PLXNA1: variants seen among roughly 807,000 people sequenced by gnomAD.
PLXNA1 encodes the protein plexin A1.
PLXNA1 carries 77 observed loss-of-function variants against 191.7 expected under a neutral mutation model. That is an observed-to-expected ratio of 0.40 (90% CI 0.33 to 0.49). The LOEUF is 0.49. PLXNA1 is among the 20% of genes least tolerant of loss of function. The probability of loss-of-function intolerance (pLI) is 0.63; values close to 1 mark genes in which losing one functional copy is unlikely to be tolerated. For synonymous variants in PLXNA1, 1,137 were observed against 1,156.4 expected (o/e 0.98, Z 0.34); for missense variants, 2,110 against 2,660.2 (o/e 0.79, Z 4.55).
Position 127,030,007 on chromosome 3 carries a change from T to G in PLXNA1, c.5004T>G (p.Gly1668=). ...ACGACCACCTGGACCAGCGTGAGGG[T>G]GACCGCGGCAGCAAGATGGTCTCGG... ...KNHDHLDQRE[G]DRGSKMVSEI... is the part of the protein sequence containing the mutation. Residue 1668 remains glycine (G), a synonymous_variant, in exon 28 of 32, where the codon GGT becomes GGG. Coordinates refer to ENST00000393409, the MANE Select transcript of PLXNA1 (RefSeq NM_032242.4). 6.2e-7 allele frequency: 1 copy of G among 1,612,548 alleles called. No individual in the cohort carries two copies. The highest frequency in any genetic ancestry group is 8.5e-7 in the Non-Finnish European group (1 of 1,179,278).
At chr3:127,014,857 C>G in intron 14 of PLXNA1, 26 bp downstream of exon 14, 1 of 1,606,342 alleles carries the variant, frequency 6.2e-7, no homozygotes, top group Non-Finnish European at 8.5e-7. Flanking sequence ...TCCCTCTCTC[C>G]CTATTCTCTG....
In PLXNA1 at chr3:127,034,153, C is replaced by G; in HGVS notation, c.*136C>G. On this transcript the variant is annotated 3_prime_UTR_variant, in exon 32 of 32. Coordinates refer to ENST00000393409, the MANE Select transcript of PLXNA1 (RefSeq NM_032242.4). ...GTGCAGCGACTGCCCGGCCCTCCCT[C>G]CCCTGCCTCACCCGGTCGGGTCCCG... 1 of 751,860 alleles carries G rather than the reference C, an allele frequency of 1.3e-6. No individual in the cohort carries two copies. Among genetic ancestry groups the G allele is most frequent in the East Asian group, 2.8e-5 (1 of 36,126 alleles). The allele number at this position is 751,860 out of a possible 1,614,324, so 46.6% of individuals were successfully genotyped here. A position where few individuals can be genotyped will look rare whatever the true frequency, so the allele number is the denominator to read the frequency against.
chr3:127,036,204 T>C lies in PLXNA1; in HGVS notation c.*2187T>C, dbSNP rs1197740598. 2 of 152,848 alleles carry C rather than the reference T, an allele frequency of 1.3e-5. No homozygotes were observed. Among genetic ancestry groups the C allele is most frequent in the East Asian group, 3.9e-4 (2 of 5,184 alleles). The allele number at this position is 152,848 out of a possible 1,614,324, so 9.5% of individuals were successfully genotyped here. On this transcript the variant is annotated 3_prime_UTR_variant, in exon 32 of 32. Transcript: ENST00000393409. ...CCTGGATGCTGGCTTCAGGTTGAAG[T>C]CCCTGGTTCTTCCAGTTCCTCACGG...
intron 3 of PLXNA1, among the ~76,000 whole-genome samples, chr3:127,001,950 T>C (rs1011607108): frequency 6.6e-6 from 1 of 152,256 alleles, no homozygotes; most frequent in African/African-American, 2.4e-5. Context: ...TTTGTGGTGC[T>C]GGCATCCTAA....
intron 9 of PLXNA1, among the ~76,000 whole-genome samples, chr3:127,009,760 G>A (rs1009187663): frequency 5.9e-5 from 9 of 152,184 alleles, no homozygotes; most frequent in Admixed American, 5.9e-4. Flanking sequence ...GGGTCTGTGT[G>A]TTTTGTCTGA....
At position 126,989,227 on chromosome 3, in the gene PLXNA1, G is replaced by A. The variant is rs1379909923; in HGVS notation, c.634G>A (p.Asp212Asn). The change falls in exon 2 of 32, where the codon GAT (aspartate) becomes AAT (asparagine). Residue 212 changes from aspartate to asparagine, a missense_variant. Physicochemically the swap from Asp to Asn is conservative, Grantham distance 23. This residue lies in a region of PLXNA1 where 903 missense variants were observed against 1,015.7 expected (regional missense o/e 0.89). Coordinates refer to ENST00000393409, the MANE Select transcript of PLXNA1 (RefSeq NM_032242.4). ...SSRRLMANEE[D>N]ADMFGFVYQD... ...CCGTCGGCTCATGGCCAACGAGGAG[G>A]ATGCCGACATGTTCGGCTTCGTGTA... The A allele has an allele frequency of 1.2e-6, 2 of 1,613,536 alleles. No individual in the cohort carries two copies. The highest frequency in any genetic ancestry group is 8.5e-7 in the Non-Finnish European group (1 of 1,180,062).
In PLXNA1 at chr3:126,991,578, G is replaced by T. The variant is rs1474821616; in HGVS notation, c.1377+12G>T. On this transcript the variant is annotated intron_variant, in intron 3 of 31. Transcript: ENST00000393409. ...GCCGCATCCGCAAGGTCAGGCCTGG[G>T]TGGGGTGGGGTGAGGAGGGGGCTTG... The T allele has an allele frequency of 1.3e-6, 2 of 1,548,722 alleles. No individual in the cohort carries two copies.
chr3:126,998,592 G>A (rs1198874853), intron 3 of PLXNA1, among the ~76,000 whole-genome samples: 2 of 152,220 alleles, frequency 1.3e-5, no homozygotes, highest in Non-Finnish European at 2.9e-5. Context: ...AGGTTCCCCA[G>A]GCAGCTGTGC....
At position 126,995,761 on chromosome 3, in the gene PLXNA1, T is replaced by C. The variant is rs535165875; in HGVS notation, c.1377+4195T>C. Among the ~76,000 whole-genome samples, 12 of 152,222 alleles carry C rather than the reference T, an allele frequency of 7.9e-5. No individual in the cohort carries two copies. The South Asian group carries it at 2.1e-3, about 26-fold the overall frequency. On this transcript the variant is annotated intron_variant, in intron 3 of 31. Transcript: ENST00000393409. ...GACCTGCACTGTGGCCTTGAGTAGC[T>C]TAGGGAAGCCACCCACCTGGGCTCT...
At position 127,005,080 on chromosome 3, in the gene PLXNA1, G is replaced by T. The variant is rs1013431227; in HGVS notation, c.1744-10G>T. ...GACCCTGCTCACCATGCCTCCTGCTGCCTGCCCAGCTTGTGCTGCAGGCCT... is the reference window on the plus strand; with the variant it reads ...GACCCTGCTCACCATGCCTCCTGCTTCCTGCCCAGCTTGTGCTGCAGGCCT... On this transcript the variant is annotated splice_polypyrimidine_tract_variant and intron_variant, in intron 6 of 31. Coordinates refer to ENST00000393409, the MANE Select transcript of PLXNA1 (RefSeq NM_032242.4). 1 of 1,612,198 alleles carries T rather than the reference G, an allele frequency of 6.2e-7. No homozygotes were observed. The highest frequency in any genetic ancestry group is 1.3e-5 in the African/African-American group (1 of 74,922).
chr3:127,012,852 G>T (rs969635656), intron 10 of PLXNA1, among the ~76,000 whole-genome samples: 1 of 152,246 alleles, frequency 6.6e-6, no homozygotes, highest in Non-Finnish European at 1.5e-5. Context: ...TGCACTCCCA[G>T]TAGGCCTCTG....
At chr3:126,984,559 G>A (rs2078948004) in intron 1 of PLXNA1, among the ~76,000 whole-genome samples, 2 of 152,226 alleles carry the variant, frequency 1.3e-5, no homozygotes, top group South Asian at 4.1e-4. Flanking sequence ...GGAGCACCCA[G>A]CCCCCTGCCA....
intron 23 of PLXNA1, among the ~76,000 whole-genome samples, chr3:127,023,639 C>T (rs1037079402): frequency 2.0e-5 from 3 of 152,244 alleles, no homozygotes; most frequent in Admixed American, 2.0e-4. Flanking sequence ...GATGGCACCT[C>T]TGTCTCTGGG....
chr3:127,011,928 C>G (rs754454313), intron 9 of PLXNA1, 30 bp from the exon 10 acceptor site: 1 of 1,599,920 alleles, frequency 6.3e-7, no homozygotes, highest in Non-Finnish European at 8.6e-7. Flanking sequence ...TCTCCGCCCC[C>G]GGGCTCAGCC....
rs140692320 is a variant in PLXNA1 at position 127,024,378 on chromosome 3, C to A, written c.4362+1560C>A. 2.2e-4 allele frequency among the ~76,000 whole-genome samples: 33 copies of A among 152,232 alleles called. No individual in the cohort carries two copies. In the East Asian group the frequency reaches 6.4e-3, roughly 29 times the overall value. On this transcript the variant is annotated intron_variant, in intron 23 of 31. Coordinates refer to ENST00000393409, the MANE Select transcript of PLXNA1 (RefSeq NM_032242.4). ...GCACTGTGGAGGGGTTGTCTTTAGGCCGGATCAGACATTCCATGGAGAGCC... is the reference window on the plus strand; with the variant it reads ...GCACTGTGGAGGGGTTGTCTTTAGGACGGATCAGACATTCCATGGAGAGCC...
At chr3:127,029,773 A>G (rs1007404010) in intron 27 of PLXNA1, 101 bp from the exon 28 acceptor site, 128 of 1,353,994 alleles carry the variant, frequency 9.5e-5, no homozygotes, top group Non-Finnish European at 1.2e-4. Flanking sequence ...AAAATCCCAC[A>G]TGGGTGGGGG....
chr3:127,023,581 C>T (rs930182), intron 23 of PLXNA1, among the ~76,000 whole-genome samples: 6,092 of 152,232 alleles, frequency 0.04, 214 homozygotes, highest in African/African-American at 0.091. Context: ...TGGGAGCTGG[C>T]ACTGACTGCC....
Position 126,989,779 on chromosome 3 carries a change from A to G in PLXNA1, c.1186A>G (p.Ile396Val), listed in dbSNP as rs1395279424. The change falls in exon 2 of 32, where the codon ATC becomes GTC. Residue 396 changes from isoleucine (I) to valine (V), a missense_variant. Coordinates refer to ENST00000393409, the MANE Select transcript of PLXNA1 (RefSeq NM_032242.4). Reference protein sequence around the residue: ...PWLLNKELGCINSPLQIDDDF... With the variant: ...PWLLNKELGCVNSPLQIDDDF... ...GCTGCTCAACAAGGAGCTGGGCTGC[A>G]TCAACTCGGTGAGTTGGGCAGGGGC... 1.2e-6 allele frequency: 2 copies of G among 1,604,462 alleles called. No individual in the cohort carries two copies. The highest frequency in any genetic ancestry group is 1.7e-6 in the Non-Finnish European group (2 of 1,174,350).
rs1371580187 is a variant in PLXNA1, at chr3:126,983,254, A to G, written c.-107A>G. Among the ~76,000 whole-genome samples, 1 of 137,302 alleles carries G rather than the reference A, an allele frequency of 7.3e-6. No homozygotes were observed. Among genetic ancestry groups the G allele is most frequent in the Non-Finnish European group, 1.6e-5 (1 of 62,984 alleles). 90.1% of individuals were successfully genotyped at this position (137,302 alleles called of 152,430 possible). ...GCGGCGCGGGCGGCTGGGCGCGGCGATGGCCGGCGGCGGGGCGCGCCCCGG... is the reference window on the plus strand; with the variant it reads ...GCGGCGCGGGCGGCTGGGCGCGGCGGTGGCCGGCGGCGGGGCGCGCCCCGG... On this transcript the variant is annotated 5_prime_UTR_variant, in exon 1 of 32. The change abolishes an upstream ATG in the 5' untranslated region. Transcript: ENST00000393409.
Sources: gnomAD v4.1 joint callset for allele counts (sites outside exome capture counted in the v4.1 genomes callset) on GRCh38, gnomAD v4.1.1 for gene constraint, gnomAD v4.1.1 regional missense constraint, MANE v1.5 for transcripts, NCBI Gene and HGNC (gene_info 2026-07-23, HGNC 2026-07-21) for gene names.